Variants in GLB1 observed in about 807,000 individuals in gnomAD.
GLB1 encodes galactosidase beta 1, also known as beta-galactosidase.
Under a neutral mutation model 74.0 loss-of-function variants are expected in GLB1, and 56 were observed. The ratio of observed to expected loss-of-function variants is 0.76; its 90% CI spans 0.61 to 0.94. The LOEUF (loss-of-function observed/expected upper bound fraction) is 0.94, where lower values mean the gene tolerates loss of function less well. Among genes scored for constraint, GLB1 ranks in the 40% least tolerant of loss-of-function variants. The pLI is 0.00. For synonymous variants in GLB1, 323 were observed against 323.6 expected (o/e 1.00, Z 0.02); for missense variants, 787 against 845.5 (o/e 0.93, Z 0.86).
At chr3:32,971,084 G>A in the GLB1 span, among the ~76,000 whole-genome samples, 1 of 152,326 alleles carries the variant, frequency 6.6e-6, no homozygotes, top group South Asian at 2.1e-4. Context: ...CAAATCGGAT[G>A]CCCGGACTGT....
At chr3:33,054,176 G>T (rs1475469760) in intron 6 of GLB1, among the ~76,000 whole-genome samples, 2 of 152,090 alleles carry the variant, frequency 1.3e-5, no homozygotes, top group African/African-American at 4.8e-5. Flanking sequence ...TCTTAATTTT[G>T]GACTTCACCA....
At chr3:33,048,705 C>A (rs1698845766) in intron 9 of GLB1, among the ~76,000 whole-genome samples, 1 of 152,142 alleles carries the variant, frequency 6.6e-6, no homozygotes, top group Non-Finnish European at 1.5e-5. Flanking sequence ...GGAGGCTTGG[C>A]AGAACACAGT....
chr3:33,079,517 T>C (rs1223812750), intron 1 of GLB1, among the ~76,000 whole-genome samples: 7 of 152,220 alleles, frequency 4.6e-5, no homozygotes, highest in Non-Finnish European at 1.0e-4. Context: ...TAGTAATATG[T>C]TAATGGTATA....
At chr3:32,975,611 G>C in the GLB1 span, among the ~76,000 whole-genome samples, 8 of 152,154 alleles carry the variant, frequency 5.3e-5, no homozygotes, top group Non-Finnish European at 1.5e-5. Flanking sequence ...GAAATAGAGA[G>C]AGACTGCGAG....
intron 1 of GLB1, chr3:33,096,658 C>A (rs1470834615): frequency 2.1e-5 from 24 of 1,121,588 alleles, no homozygotes; most frequent in African/African-American, 5.0e-5. Flanking sequence ...GAGGCACCCT[C>A]TAACCCGCGC....
chr3:33,032,752 C>T (rs1356939899), intron 10 of GLB1, among the ~76,000 whole-genome samples: 2 of 152,136 alleles, frequency 1.3e-5, no homozygotes, highest in African/African-American at 4.8e-5. Flanking sequence ...ATTTCTTCCT[C>T]TCCACTCCCT....
chr3:33,036,003 G>A (rs530758691), intron 10 of GLB1, among the ~76,000 whole-genome samples: 31 of 152,234 alleles, frequency 2.0e-4, no homozygotes, highest in African/African-American at 7.2e-4. Flanking sequence ...TAAGGGTGAT[G>A]GTTTATACCA....
intron 1 of GLB1, chr3:33,077,032 T>C (rs1393302613): frequency 7.8e-7 from 1 of 1,277,624 alleles, no homozygotes; most frequent in Non-Finnish European, 1.0e-6. Flanking sequence ...AAGACCAGTC[T>C]GGGGAACATG....
rs1448427824 is a variant in GLB1 at position 33,068,859 on chromosome 3, G to C, written c.357C>G (p.Ile119Met). 9 of 1,614,112 alleles carry C rather than the reference G, an allele frequency of 5.6e-6. No individual in the cohort carries two copies. Among genetic ancestry groups the C allele is most frequent in the Non-Finnish European group, 7.6e-6 (9 of 1,180,016 alleles). Residue 119 changes from isoleucine (I) to methionine (M), a missense_variant, in exon 3 of 16, where the codon ATC becomes ATG. Ile to Met is a conservative substitution (Grantham distance 10). Transcript: ENST00000307363. ...RLAHELGLLV[I>M]LRPGPYICAE... Reference sequence around the variant, plus strand: ...CACAGATGTAGGGCCCGGGCCTCAGGATAACCAGCAGTCCCAGCTCATGAG... The same window carrying C: ...CACAGATGTAGGGCCCGGGCCTCAGCATAACCAGCAGTCCCAGCTCATGAG...
Position 33,092,922 on chromosome 3 carries a change from A to T in GLB1, c.75+4089T>A. The T allele has an allele frequency of 6.2e-7, 1 of 1,614,188 alleles. No individual in the cohort carries two copies. The highest frequency in any genetic ancestry group is 1.7e-5 in the Admixed American group (1 of 60,016). Reference sequence around the variant, plus strand: ...CCCGTAGTAGGCTGTGCCTGGGCTGACATACACGAATGTAGCCTGGGCCAC... The same window carrying T: ...CCCGTAGTAGGCTGTGCCTGGGCTGTCATACACGAATGTAGCCTGGGCCAC... On this transcript the variant is annotated intron_variant, in intron 1 of 15. Transcript: ENST00000307363.
In GLB1 at chr3:33,068,281, G is replaced by A; in HGVS notation, c.406C>T (p.Pro136Ser). ...ICAEWEMGGL[P>S]AWLLEKESIL... is the part of the protein sequence containing the mutation. ...GACTCTTTCTCTAGCAGCCAAGCAG[G>A]TAATCCTCCCTAGTTCAGGGAAAAC... Residue 136 changes from proline to serine, a missense_variant, in exon 4 of 16, where the codon CCT (proline) becomes TCT (serine). Pro to Ser is a moderately conservative substitution (Grantham distance 74). Transcript: ENST00000307363. 1 of 1,614,036 alleles carries A rather than the reference G, an allele frequency of 6.2e-7. No individual in the cohort carries two copies.
At chr3:33,027,452 G>A (rs11707202) in intron 10 of GLB1, among the ~76,000 whole-genome samples, 31,956 of 152,254 alleles carry the variant, frequency 0.21, 3,742 homozygotes, top group Admixed American at 0.3. Context: ...CAGTGGGCCC[G>A]AGCAAAACTC....
intron 10 of GLB1, 58 bp downstream of exon 10, chr3:33,046,062 G>A (rs1382036056): frequency 1.3e-6 from 2 of 1,582,394 alleles, no homozygotes; most frequent in Non-Finnish European, 1.7e-6. Flanking sequence ...GAGCCACAGT[G>A]AGTTCAAAAG....
chr3:33,015,727 T>C (rs1394900320), intron 14 of GLB1, among the ~76,000 whole-genome samples: 3 of 152,172 alleles, frequency 2.0e-5, no homozygotes, highest in Non-Finnish European at 4.4e-5. Flanking sequence ...GAGAGACATT[T>C]ATACTGGAGG....
chr3:33,044,152 C>T (rs1298002512), intron 10 of GLB1, among the ~76,000 whole-genome samples: 4 of 152,126 alleles, frequency 2.6e-5, no homozygotes, highest in Non-Finnish European at 5.9e-5. Flanking sequence ...TTTATGCGCA[C>T]ATTGACCATT....
intron 1 of GLB1, among the ~76,000 whole-genome samples, chr3:33,081,636 C>T (rs533293821): frequency 7.2e-5 from 11 of 152,320 alleles, no homozygotes; most frequent in Admixed American, 3.9e-4. Flanking sequence ...AGGCAAGGGG[C>T]GCCCTAGTGT....
intron 7 of GLB1, 136 bp from the exon 8 acceptor site, chr3:33,052,140 C>A: frequency 6.8e-7 from 1 of 1,468,324 alleles, no homozygotes. Flanking sequence ...CCAGAGACGC[C>A]CCCCAGTGAG....
intron 10 of GLB1, chr3:33,034,845 G>GGACT (rs776680601): frequency 6.3e-5 from 35 of 552,956 alleles, no homozygotes; most frequent in Non-Finnish European, 1.1e-4. Flanking sequence ...GCCAGCTCCA[G>GGACT]GACTGACTGA....
At chr3:32,970,550 T>C in the GLB1 span, among the ~76,000 whole-genome samples, 12 of 152,294 alleles carry the variant, frequency 7.9e-5, no homozygotes, top group East Asian at 2.1e-3. Context: ...CTAGGGACTT[T>C]GTTTAGGTTG....
Sources: allele counts gnomAD v4.1 joint callset (sites outside exome capture counted in the v4.1 genomes callset), GRCh38; gene constraint gnomAD v4.1.1; transcripts MANE v1.5; gene names NCBI Gene and HGNC (gene_info 2026-07-23, HGNC 2026-07-21).